Variants in LIMS1 observed in about 807,000 individuals in gnomAD.
The protein encoded by LIMS1 is LIM zinc finger domain containing 1.
Under a neutral mutation model 44.1 loss-of-function variants are expected in LIMS1, and 18 were observed. That is an observed-to-expected ratio of 0.41 (90% confidence interval 0.28 to 0.61). LIMS1 has a LOEUF of 0.61. Among genes scored for constraint, LIMS1 ranks in the 20% least tolerant of loss-of-function variants. The pLI is 0.32. For synonymous variants in LIMS1, 93 were observed against 149.1 expected, an observed-to-expected ratio of 0.62 and a Z score of 2.74; for missense variants, 201 against 422.0, an observed-to-expected ratio of 0.48 and a Z score of 4.59.
chr2:108,644,038 C>T (rs1164326244), intron 1 of LIMS1, among the ~76,000 whole-genome samples: 1 of 152,210 alleles, frequency 6.6e-6, no homozygotes, highest in East Asian at 1.9e-4. Context: ...ACAGATAAAA[C>T]CGTCACCTCC....
chr2:108,586,821 G>A (rs767531289), intron 1 of LIMS1, among the ~76,000 whole-genome samples: 20 of 152,128 alleles, frequency 1.3e-4, no homozygotes, highest in Non-Finnish European at 2.5e-4. Context: ...GCTTCCCGGG[G>A]TTTATGTCCA....
intron 1 of LIMS1, among the ~76,000 whole-genome samples, chr2:108,595,942 G>A (rs1301612295): frequency 2.0e-5 from 3 of 152,190 alleles, no homozygotes; most frequent in African/African-American, 4.8e-5. Flanking sequence ...GGCTTGAGGA[G>A]AACCTGAGGT....
At chr2:108,577,896 G>T (rs150416592) in intron 1 of LIMS1, among the ~76,000 whole-genome samples, 1 of 152,000 alleles carries the variant, frequency 6.6e-6, no homozygotes, top group Non-Finnish European at 1.5e-5. Flanking sequence ...GAGATTGTAT[G>T]TTTTGTTTTG....
intron 5 of LIMS1, among the ~76,000 whole-genome samples, chr2:108,674,341 A>G (rs1692363962): frequency 6.6e-6 from 1 of 152,126 alleles, no homozygotes. Context: ...AAAAATAAAA[A>G]TAAAAAAATA....
chr2:108,616,257 G>C (rs1226597032), intron 1 of LIMS1, among the ~76,000 whole-genome samples: 2 of 143,920 alleles, frequency 1.4e-5, no homozygotes, highest in East Asian at 4.2e-4. Context: ...CCAGGCTGGA[G>C]TGCAGTGGTG....
chr2:108,585,836 G>GT (rs1263556367), intron 1 of LIMS1, among the ~76,000 whole-genome samples: 4 of 152,190 alleles, frequency 2.6e-5, no homozygotes, highest in Non-Finnish European at 5.9e-5. Flanking sequence ...AGCTGTGACT[G>GT]TAAGAGGTGT....
At chr2:108,611,454 C>G (rs944428302) in intron 1 of LIMS1, among the ~76,000 whole-genome samples, 5 of 151,986 alleles carry the variant, frequency 3.3e-5, no homozygotes, top group African/African-American at 1.2e-4. Flanking sequence ...TTTTTTTTCA[C>G]TTTCCTTAGA....
intron 1 of LIMS1, among the ~76,000 whole-genome samples, chr2:108,642,302 A>G (rs796244276): frequency 5.8e-4 from 88 of 150,556 alleles, no homozygotes; most frequent in African/African-American, 2.1e-3. Flanking sequence ...GTCCATCATT[A>G]CTACTTAAGA....
intron 1 of LIMS1, among the ~76,000 whole-genome samples, chr2:108,570,923 G>GA (rs1573347796): frequency 6.6e-6 from 1 of 152,182 alleles, no homozygotes; most frequent in East Asian, 1.9e-4. Flanking sequence ...GCTAACTGAA[G>GA]AAAAATAACA....
chr2:108,618,742 T>G (rs993102861), intron 1 of LIMS1, among the ~76,000 whole-genome samples: 1 of 150,786 alleles, frequency 6.6e-6, no homozygotes, highest in Non-Finnish European at 1.5e-5. Context: ...GGGGAATCGC[T>G]TGAACTCGGG....
intron 1 of LIMS1, among the ~76,000 whole-genome samples, chr2:108,585,965 A>G (rs151043289): frequency 0.017 from 2,548 of 152,188 alleles, 40 homozygotes; most frequent in African/African-American, 0.035. Flanking sequence ...AGGCCGAGGC[A>G]GGCGAATCAT....
chr2:108,607,459 C>T (rs1687334380), intron 1 of LIMS1, among the ~76,000 whole-genome samples: 1 of 152,082 alleles, frequency 6.6e-6, no homozygotes, highest in African/African-American at 2.4e-5. Context: ...TCTCTCTAAC[C>T]TGGATATAAC....
intron 1 of LIMS1, among the ~76,000 whole-genome samples, chr2:108,565,929 A>G (rs1453270163): frequency 2.6e-5 from 4 of 152,184 alleles, no homozygotes; most frequent in African/African-American, 7.2e-5. Context: ...AGAGCCCTCC[A>G]TGCCTATCAC....
At chr2:108,599,136 C>T (rs1303269888) in intron 1 of LIMS1, among the ~76,000 whole-genome samples, 1 of 152,108 alleles carries the variant, frequency 6.6e-6, no homozygotes, top group Non-Finnish European at 1.5e-5. Context: ...TTCATTCTTT[C>T]TAACTAATGT....
intron 1 of LIMS1, among the ~76,000 whole-genome samples, chr2:108,639,883 A>G (rs1432972398): frequency 6.6e-6 from 1 of 152,218 alleles, no homozygotes; most frequent in Non-Finnish European, 1.5e-5. Context: ...TGGGCTGATA[A>G]AAGTTGACAA....
At chr2:108,574,254 AG>A (rs1396497288) in intron 1 of LIMS1, among the ~76,000 whole-genome samples, 4 of 152,212 alleles carry the variant, frequency 2.6e-5, no homozygotes, top group Non-Finnish European at 5.9e-5. Flanking sequence ...AGATCAGGGA[AG>A]GGGCTTTCAA....
intron 1 of LIMS1, among the ~76,000 whole-genome samples, chr2:108,549,206 A>G (rs1684592482): frequency 6.6e-6 from 1 of 151,276 alleles, no homozygotes; most frequent in South Asian, 2.1e-4. Flanking sequence ...GTTGCTAATA[A>G]GTAACTTTTC....
intron 1 of LIMS1, among the ~76,000 whole-genome samples, chr2:108,632,326 T>G (rs1299848996): frequency 6.6e-6 from 1 of 152,190 alleles, no homozygotes; most frequent in Non-Finnish European, 1.5e-5. Flanking sequence ...AGCAGAAAGT[T>G]AATTGCTTTT....
chr2:108,556,932 C>T (rs911790751), intron 1 of LIMS1, among the ~76,000 whole-genome samples: 1 of 152,246 alleles, frequency 6.6e-6, no homozygotes, highest in Admixed American at 6.5e-5. Context: ...TGTAGAAGCT[C>T]AGGGCTGCCT....
Sources: gnomAD v4.1 joint callset for allele counts (sites outside exome capture counted in the v4.1 genomes callset) on GRCh38, gnomAD v4.1.1 for gene constraint, MANE v1.5 for transcripts, NCBI Gene and HGNC (gene_info 2026-07-23, HGNC 2026-07-21) for gene names.